Variants in TULP4 observed in about 807,000 individuals in gnomAD.
The protein encoded by TULP4 is TUB like protein 4.
Under a neutral mutation model 129.0 loss-of-function variants are expected in TULP4, and 16 were observed. The observed-to-expected ratio is 0.12, with a 90% CI of 0.08 to 0.19. The LOEUF is 0.19. Among genes scored for constraint, TULP4 ranks in the 10% least tolerant of loss-of-function variants. TULP4 has a pLI of 1.00. For synonymous variants in TULP4, 998 were observed against 854.0 expected (o/e 1.17, Z -2.94); for missense variants, 1,842 against 2,059.1 (o/e 0.89, Z 2.04).
intron 1 of TULP4, among the ~76,000 whole-genome samples, chr6:158,391,329 A>G (rs705936): frequency 0.91 from 137,953 of 152,214 alleles, 62,570 homozygotes; most frequent in Admixed American, 0.94. Context: ...TATATAGCAA[A>G]GTCATTAGCT....
chr6:158,476,033 G>A (rs527971312), intron 6 of TULP4, among the ~76,000 whole-genome samples: 1 of 152,248 alleles, frequency 6.6e-6, no homozygotes, highest in East Asian at 1.9e-4. Flanking sequence ...ATTTCCCCAG[G>A]TCAGTGATGA....
rs769666908 is a variant in TULP4 at position 158,502,132 on chromosome 6, C to G, written c.2469C>G (p.Pro823=). 1 of 1,605,156 alleles carries G rather than the reference C, an allele frequency of 6.2e-7. No homozygotes were observed. The highest frequency in any genetic ancestry group is 1.1e-5 in the South Asian group (1 of 89,448). The change falls in exon 13 of 14, where the codon CCC becomes CCG. Residue 823 remains proline, a synonymous_variant. Coordinates refer to ENST00000367097, the MANE Select transcript of TULP4 (RefSeq NM_020245.5). ...AEGDAVVFSA[P]QEVQVTKINP... is the part of the protein sequence containing the mutation. ...GGGACGCAGTGGTCTTTAGTGCCCCCCAGGAGGTCCAGGTGACGAAGATAA... is the reference window on the plus strand; with the variant it reads ...GGGACGCAGTGGTCTTTAGTGCCCCGCAGGAGGTCCAGGTGACGAAGATAA...
At chr6:158,433,431 G>A (rs1778676055) in intron 3 of TULP4, among the ~76,000 whole-genome samples, 1 of 152,196 alleles carries the variant, frequency 6.6e-6, no homozygotes, top group Non-Finnish European at 1.5e-5. Context: ...AAAAACAAAA[G>A]TTGCTAGGCG....
chr6:158,362,783 G>A (rs973450140), intron 1 of TULP4, among the ~76,000 whole-genome samples: 2 of 152,174 alleles, frequency 1.3e-5, no homozygotes, highest in Non-Finnish European at 2.9e-5. Context: ...TCCATGCAAA[G>A]TCACAGTCTT....
intron 3 of TULP4, among the ~76,000 whole-genome samples, chr6:158,435,376 G>T (rs1301554509): frequency 1.3e-5 from 2 of 152,126 alleles, no homozygotes; most frequent in Non-Finnish European, 2.9e-5. Context: ...TTGGCAGCCT[G>T]GTGCTTCCAT....
chr6:158,263,176 G>T (rs985142613), intron 1 of TULP4, among the ~76,000 whole-genome samples: 2 of 152,188 alleles, frequency 1.3e-5, no homozygotes, highest in Non-Finnish European at 2.9e-5. Context: ...CAGCAGCTTA[G>T]CATTTTTGGA....
chr6:158,347,694 C>T (rs759356523), intron 1 of TULP4, among the ~76,000 whole-genome samples: 2 of 152,234 alleles, frequency 1.3e-5, no homozygotes, highest in African/African-American at 2.4e-5. Context: ...GGCCTAGGCC[C>T]TTAGTGCCAG....
intron 1 of TULP4, chr6:158,242,252 G>A: frequency 6.5e-6 from 10 of 1,548,142 alleles, no homozygotes; most frequent in Non-Finnish European, 8.0e-6. Context: ...GCCTGGTTCA[G>A]CTGGCCGTGG....
At chr6:158,475,283 A>G (rs1779791931) in intron 6 of TULP4, among the ~76,000 whole-genome samples, 1 of 152,232 alleles carries the variant, frequency 6.6e-6, no homozygotes, top group African/African-American at 2.4e-5. Flanking sequence ...ACTGTGGCCT[A>G]GAGTTTGTCC....
upstream of TULP4, among the ~76,000 whole-genome samples, chr6:158,281,825 T>A (rs933400977): frequency 6.6e-6 from 1 of 152,230 alleles, no homozygotes; most frequent in African/African-American, 2.4e-5. Context: ...GATTATTGTC[T>A]TTGTCCCTTC....
upstream of TULP4, among the ~76,000 whole-genome samples, chr6:158,309,898 ACCGTGGG>A: frequency 1.3e-4 from 1 of 7,516 alleles, no homozygotes; most frequent in Admixed American, 2.3e-3. Context: ...GGAGAGGGAG[ACCGTGGG>A]GAGAGGGAGA....
intron 1 of TULP4, among the ~76,000 whole-genome samples, chr6:158,351,510 A>G (rs761289183): frequency 2.8e-4 from 42 of 152,146 alleles, no homozygotes; most frequent in African/African-American, 5.8e-4. Context: ...ATAGTTATAC[A>G]TACTGTGTTC....
intron 1 of TULP4, among the ~76,000 whole-genome samples, chr6:158,336,236 G>C (rs1191303022): frequency 6.6e-6 from 1 of 152,162 alleles, no homozygotes; most frequent in East Asian, 1.9e-4. Flanking sequence ...TAAAAATCTT[G>C]TGAATTGTCT....
At chr6:158,245,285 G>A (rs4709132) in intron 1 of TULP4, among the ~76,000 whole-genome samples, 23,694 of 151,696 alleles carry the variant, frequency 0.16, 2,482 homozygotes, top group East Asian at 0.43. Flanking sequence ...GTGAGCCACC[G>A]CACCCGGCCT....
intron 1 of TULP4, chr6:158,242,436 A>C: frequency 9.3e-7 from 1 of 1,080,142 alleles, no homozygotes. Flanking sequence ...TCTTTATGCC[A>C]CTAAGCATTC....
chr6:158,429,861 A>G lies in TULP4; in HGVS notation c.507A>G (p.Gln169=). Residue 169 remains glutamine, a synonymous_variant, in exon 3 of 14, where the codon CAA becomes CAG. Transcript: ENST00000367097. The part of the protein sequence containing the change: ...HWSSEINLES[Q]ITCGIWTPDD... ...CATCCGAAATCAACTTGGAAAGTCA[A>G]ATTACGTGTGGCATATGGACTCCTG... 6.2e-7 allele frequency: 1 copy of G among 1,614,018 alleles called. No individual in the cohort carries two copies. Among genetic ancestry groups the G allele is most frequent in the Non-Finnish European group, 8.5e-7 (1 of 1,179,996 alleles).
At chr6:158,422,739 T>C (rs1436459533) in intron 2 of TULP4, among the ~76,000 whole-genome samples, 1 of 152,210 alleles carries the variant, frequency 6.6e-6, no homozygotes, top group Admixed American at 6.5e-5. Flanking sequence ...CAGATTTGCA[T>C]AGGGCTCAGG....
chr6:158,429,714 CTT>C lies in TULP4; in HGVS notation c.382-19_382-18del, dbSNP rs753055314. The C allele has an allele frequency of 1.3e-6, 2 of 1,597,974 alleles. No individual in the cohort carries two copies. The highest frequency in any genetic ancestry group is 1.1e-5 in the South Asian group (1 of 88,586). Reference sequence around the variant, plus strand: ...TTCCTTTTCAGATTACAAATTGACTCTTTTCTGTGTGTGTCCCCAAGGTGAGT... The same window carrying C: ...TTCCTTTTCAGATTACAAATTGACTCTTCTGTGTGTGTCCCCAAGGTGAGT... On this transcript the variant is annotated intron_variant, in intron 2 of 13. Transcript: ENST00000367097.
At chr6:158,463,379 G>C (rs1373092273) in intron 6 of TULP4, among the ~76,000 whole-genome samples, 1 of 152,040 alleles carries the variant, frequency 6.6e-6, no homozygotes, top group Non-Finnish European at 1.5e-5. Context: ...TATAGTGGAG[G>C]ATGAATTATC....
Sources: gnomAD v4.1 joint callset for allele counts (sites outside exome capture counted in the v4.1 genomes callset) on GRCh38, gnomAD v4.1.1 for gene constraint, MANE v1.5 for transcripts, NCBI Gene and HGNC (gene_info 2026-07-23, HGNC 2026-07-21) for gene names.